Variants in VAV3 observed in about 807,000 individuals in gnomAD.
VAV3 encodes the protein guanine nucleotide exchange factor VAV3.
VAV3 carries 94 observed loss-of-function variants against 131.2 expected under a neutral mutation model. The ratio of observed to expected loss-of-function variants is 0.72; its 90% CI spans 0.61 to 0.85. The LOEUF (loss-of-function observed/expected upper bound fraction) is 0.85, where lower values mean the gene tolerates loss of function less well. Ranked by LOEUF, VAV3 falls within the 40% of genes least tolerant of loss-of-function variation. The pLI, the probability that VAV3 is intolerant of heterozygous loss-of-function variation, is 0.00. For missense variants in VAV3, 939 were observed against 1,002.7 expected, an observed-to-expected ratio of 0.94 and a Z score of 0.86; for synonymous variants, 349 against 342.0, an observed-to-expected ratio of 1.02 and a Z score of -0.22.
At chr1:107,622,762 G>A (rs1243589659) in intron 20 of VAV3, among the ~76,000 whole-genome samples, 2 of 152,176 alleles carry the variant, frequency 1.3e-5, no homozygotes, top group Non-Finnish European at 2.9e-5. Flanking sequence ...CTGTCACCCT[G>A]CCCAGTCACT....
intron 2 of VAV3, among the ~76,000 whole-genome samples, chr1:107,863,096 C>A (rs1214074093): frequency 3.3e-5 from 5 of 152,114 alleles, no homozygotes; most frequent in Non-Finnish European, 4.4e-5. Flanking sequence ...CATTAGAATT[C>A]TCCTACATTA....
At chr1:107,578,898 GA>G (rs1649841388) in intron 25 of VAV3, 1 of 985,136 alleles carries the variant, frequency 1.0e-6, no homozygotes, top group African/African-American at 1.7e-5. Context: ...CTAGAAGAGA[GA>G]AATGATAAGC....
intron 15 of VAV3, among the ~76,000 whole-genome samples, chr1:107,727,940 TAAAC>T (rs1369105981): frequency 6.6e-6 from 1 of 152,192 alleles, no homozygotes; most frequent in Non-Finnish European, 1.5e-5. Flanking sequence ...ATTAAACAAT[TAAAC>T]AAGCAAGAAA....
At chr1:107,750,430 CA>C (rs1344065013) in intron 13 of VAV3, among the ~76,000 whole-genome samples, 3 of 152,028 alleles carry the variant, frequency 2.0e-5, no homozygotes. Context: ...GATTAACACA[CA>C]TTTTTTTTAT....
At chr1:107,609,688 T>G (rs1178422292) in intron 22 of VAV3, 29 of 414,362 alleles carry the variant, frequency 7.0e-5, no homozygotes. Context: ...CTGTGGCTGG[T>G]ATAAACTTTA....
intron 4 of VAV3, among the ~76,000 whole-genome samples, chr1:107,774,251 G>C (rs1665209204): frequency 1.3e-5 from 2 of 152,210 alleles, no homozygotes; most frequent in East Asian, 1.9e-4. Flanking sequence ...ATTTTTAGTA[G>C]AGACAGGGTT....
chr1:107,695,351 T>A (rs1194680448), intron 17 of VAV3, among the ~76,000 whole-genome samples: 1 of 152,012 alleles, frequency 6.6e-6, no homozygotes, highest in Non-Finnish European at 1.5e-5. Context: ...AACTTTTGAG[T>A]TGTTCAAGCA....
intron 19 of VAV3, among the ~76,000 whole-genome samples, chr1:107,667,405 AC>A (rs1239539887): frequency 6.6e-6 from 1 of 152,176 alleles, no homozygotes; most frequent in Non-Finnish European, 1.5e-5. Context: ...TTGTCTGGCC[AC>A]CCACACATGC....
intron 17 of VAV3, among the ~76,000 whole-genome samples, chr1:107,703,322 G>C (rs372612339): frequency 6.6e-6 from 1 of 152,162 alleles, no homozygotes; most frequent in East Asian, 1.9e-4. Flanking sequence ...CTGACTTTCC[G>C]ACAGAAGTAA....
chr1:107,584,654 T>G (rs549306751), intron 25 of VAV3, among the ~76,000 whole-genome samples: 1 of 152,302 alleles, frequency 6.6e-6, no homozygotes, highest in East Asian at 1.9e-4. Flanking sequence ...TGACATCTGG[T>G]AAGTAGACAA....
intron 2 of VAV3, among the ~76,000 whole-genome samples, chr1:107,795,339 G>C (rs79454271): frequency 6.6e-6 from 1 of 151,994 alleles, no homozygotes; most frequent in Non-Finnish European, 1.5e-5. Context: ...ACATATCCTC[G>C]GTGCTATATA....
chr1:107,861,405 C>G (rs1464923818), intron 2 of VAV3, among the ~76,000 whole-genome samples: 1 of 151,488 alleles, frequency 6.6e-6, no homozygotes, highest in Non-Finnish European at 1.5e-5. Flanking sequence ...CATCTGGCAG[C>G]CAATAAATTC....
chr1:107,625,051 C>T (rs1653909715), intron 20 of VAV3, among the ~76,000 whole-genome samples: 1 of 152,018 alleles, frequency 6.6e-6, no homozygotes, highest in South Asian at 2.1e-4. Context: ...TCATTCAACC[C>T]TTCTTGGCTT....
intron 16 of VAV3, 137 bp from the exon 17 acceptor site, chr1:107,704,787 G>A (rs1182528323): frequency 3.5e-5 from 34 of 983,238 alleles, no homozygotes; most frequent in Non-Finnish European, 4.8e-5. Flanking sequence ...GAGCTTGCCA[G>A]AGCTTCTGAA....
At chr1:107,695,071 A>G (rs1659661893) in intron 17 of VAV3, among the ~76,000 whole-genome samples, 1 of 152,190 alleles carries the variant, frequency 6.6e-6, no homozygotes, top group Non-Finnish European at 1.5e-5. Context: ...AGTAAAATAG[A>G]AAAACAAAAT....
chr1:107,746,299 T>C (rs757747328), intron 15 of VAV3, among the ~76,000 whole-genome samples: 3 of 152,186 alleles, frequency 2.0e-5, no homozygotes, highest in East Asian at 1.9e-4. Context: ...CCCTTATTTA[T>C]AGAAGCCCTC....
intron 1 of VAV3, among the ~76,000 whole-genome samples, chr1:107,877,118 C>T (rs1429944185): frequency 1.3e-5 from 2 of 152,150 alleles, no homozygotes; most frequent in African/African-American, 4.8e-5. Flanking sequence ...GCATCATAAA[C>T]CCTTTGAAAC....
chr1:107,640,868 A>T (rs769507314), intron 20 of VAV3, among the ~76,000 whole-genome samples: 4 of 152,130 alleles, frequency 2.6e-5, no homozygotes, highest in Non-Finnish European at 4.4e-5. Context: ...ATGGGAGGAG[A>T]CTGAGCATAT....
At chr1:107,625,996 A>T (rs1653992028) in intron 20 of VAV3, among the ~76,000 whole-genome samples, 1 of 152,182 alleles carries the variant, frequency 6.6e-6, no homozygotes, top group Non-Finnish European at 1.5e-5. Flanking sequence ...TTTCTCCCAT[A>T]ATGTTACTCC....
Sources: allele counts gnomAD v4.1 joint callset (sites outside exome capture counted in the v4.1 genomes callset), GRCh38; gene constraint gnomAD v4.1.1; transcripts MANE v1.5; gene names NCBI Gene and HGNC (gene_info 2026-07-23, HGNC 2026-07-21).